Variants in TBC1D5 observed in about 807,000 individuals in gnomAD.
TBC1D5 encodes the protein TBC1 domain family, member 5.
A neutral mutation model predicts 100.3 loss-of-function variants in TBC1D5; 75 were observed. That is an observed-to-expected ratio of 0.75 (90% CI 0.62 to 0.91). The LOEUF is 0.91. TBC1D5 is among the 40% of genes least tolerant of loss of function. The probability of loss-of-function intolerance (pLI) is 0.00; values close to 1 mark genes in which losing one functional copy is unlikely to be tolerated. For synonymous variants in TBC1D5, 323 were observed against 325.6 expected (o/e 0.99, Z 0.09); for missense variants, 910 against 942.4 (o/e 0.97, Z 0.45).
chr3:17,325,740 A>G (rs529594284), intron 13 of TBC1D5, among the ~76,000 whole-genome samples: 12 of 152,338 alleles, frequency 7.9e-5, no homozygotes, highest in African/African-American at 2.9e-4. Flanking sequence ...GAACAGATCA[A>G]TGATTACCAG....
intron 18 of TBC1D5, among the ~76,000 whole-genome samples, chr3:17,200,257 T>C (rs1031034536): frequency 6.6e-6 from 1 of 152,198 alleles, no homozygotes; most frequent in African/African-American, 2.4e-5. Context: ...GATAGAACTG[T>C]ACATAAACAC....
At chr3:17,642,501 A>C (rs1316196745) in intron 1 of TBC1D5, among the ~76,000 whole-genome samples, 1 of 152,134 alleles carries the variant, frequency 6.6e-6, no homozygotes, top group Non-Finnish European at 1.5e-5. Context: ...GATACCTACT[A>C]TTCACTCACT....
chr3:17,616,194 G>A (rs376831594), intron 2 of TBC1D5, among the ~76,000 whole-genome samples: 9 of 152,140 alleles, frequency 5.9e-5, no homozygotes, highest in Non-Finnish European at 8.8e-5. Context: ...GTAGTTGTGC[G>A]GTTTTGAGTG....
In TBC1D5 at chr3:17,593,505, T is replaced by C. The variant is rs566940660; in HGVS notation, c.-36+30344A>G. Among the ~76,000 whole-genome samples, 14 of 152,338 alleles carry C rather than the reference T, an allele frequency of 9.2e-5. 1 individual carries two copies. In the South Asian group the frequency reaches 1.9e-3, roughly 20 times the overall value. On this transcript the variant is annotated intron_variant, in intron 2 of 21. Transcript: ENST00000253692. ...CAGCTACCTGGTGACAGGTTGATTA[T>C]ACTGGACCTGTTCCACGATGGAAAG...
Position 17,725,762 on chromosome 3 carries a change from C to A in TBC1D5, c.-101+13581G>T, listed in dbSNP as rs181977606. On this transcript the variant is annotated intron_variant, in intron 1 of 21. Transcript: ENST00000253692. ...GGTACATGTGCATGTTTGTCATATA[C>A]GTAAACTGCATGTCACAGGGGTTTG... 2.8e-3 allele frequency among the ~76,000 whole-genome samples: 425 copies of A among 152,204 alleles called. 1 individual carries two copies. Among genetic ancestry groups the A allele is most frequent in the African/African-American group, 9.3e-3 (386 of 41,534 alleles).
chr3:17,305,332 A>AT (rs1404989991), intron 14 of TBC1D5, among the ~76,000 whole-genome samples: 1 of 152,220 alleles, frequency 6.6e-6, no homozygotes, highest in East Asian at 1.9e-4. Flanking sequence ...TTCTCTTTCC[A>AT]TATGTACCCA....
At chr3:17,555,081 C>A (rs1209049222) in intron 2 of TBC1D5, among the ~76,000 whole-genome samples, 1 of 151,942 alleles carries the variant, frequency 6.6e-6, no homozygotes, top group African/African-American at 2.4e-5. Context: ...GATCTCCTGA[C>A]CTTGTGATCC....
intron 2 of TBC1D5, among the ~76,000 whole-genome samples, chr3:17,513,949 A>T (rs1343077068): frequency 1.3e-5 from 2 of 152,220 alleles, no homozygotes; most frequent in Non-Finnish European, 2.9e-5. Context: ...TTTATTTAGA[A>T]ATGTTGGTAG....
At chr3:17,448,817 T>C (rs557486490) in intron 3 of TBC1D5, among the ~76,000 whole-genome samples, 1 of 152,326 alleles carries the variant, frequency 6.6e-6, no homozygotes, top group Admixed American at 6.5e-5. Context: ...ATCCTCAAAA[T>C]TGTTAATGAA....
chr3:17,718,178 T>C (rs1396271314), intron 1 of TBC1D5, among the ~76,000 whole-genome samples: 1 of 152,190 alleles, frequency 6.6e-6, no homozygotes, highest in Non-Finnish European at 1.5e-5. Context: ...TCCTTTTCTT[T>C]CTCTTCCCAC....
At position 17,622,017 on chromosome 3, in the gene TBC1D5, C is replaced by T. The variant is rs575256176; in HGVS notation, c.-36+1832G>A. The stretch of plus-strand genomic sequence containing the variant: ...AAATCTGATTGGGATAAGTTCTATG[C>T]TCACTTTCTAATTAAGCAGTCACCA... On this transcript the variant is annotated intron_variant, in intron 2 of 21. Transcript: ENST00000253692. 1.4e-3 allele frequency among the ~76,000 whole-genome samples: 219 copies of T among 152,284 alleles called. 3 individuals are homozygous for T. In the South Asian group the frequency reaches 0.021, roughly 15 times the overall value.
chr3:17,323,481 A>G (rs1236586260), intron 13 of TBC1D5, among the ~76,000 whole-genome samples: 2 of 151,862 alleles, frequency 1.3e-5, no homozygotes, highest in Non-Finnish European at 2.9e-5. Context: ...CTGTACAAAA[A>G]CAAAACACTA....
At chr3:17,629,970 T>A (rs895763619) in intron 1 of TBC1D5, among the ~76,000 whole-genome samples, 1 of 152,088 alleles carries the variant, frequency 6.6e-6, no homozygotes. Context: ...ACATGAGGGC[T>A]AAAAATAAGG....
chr3:17,396,490 G>C (rs1435510732), intron 8 of TBC1D5, among the ~76,000 whole-genome samples: 3 of 151,666 alleles, frequency 2.0e-5, no homozygotes, highest in Non-Finnish European at 2.9e-5. Context: ...CCGACATTTA[G>C]GACATCTTAA....
At chr3:17,180,549 G>T (rs896793113) in intron 19 of TBC1D5, among the ~76,000 whole-genome samples, 1 of 152,120 alleles carries the variant, frequency 6.6e-6, no homozygotes, top group East Asian at 1.9e-4. Context: ...TGGATGACTG[G>T]ATAAAGAAAA....
intron 19 of TBC1D5, among the ~76,000 whole-genome samples, chr3:17,178,549 C>G (rs1344925050): frequency 6.6e-6 from 1 of 152,160 alleles, no homozygotes; most frequent in Non-Finnish European, 1.5e-5. Context: ...ATTGCAGGAT[C>G]ATATTTTTAG....
At chr3:17,488,109 A>G (rs1252133319) in intron 3 of TBC1D5, among the ~76,000 whole-genome samples, 1 of 152,190 alleles carries the variant, frequency 6.6e-6, no homozygotes, top group Non-Finnish European at 1.5e-5. Flanking sequence ...ACTGCCCTAA[A>G]GATCTTCTGT....
At chr3:17,213,609 T>G (rs1490720786) in intron 18 of TBC1D5, among the ~76,000 whole-genome samples, 1 of 151,584 alleles carries the variant, frequency 6.6e-6, no homozygotes, top group Non-Finnish European at 1.5e-5. Flanking sequence ...CTAATAAAAA[T>G]TCACAAATTA....
intron 14 of TBC1D5, among the ~76,000 whole-genome samples, chr3:17,296,294 A>C (rs1349259393): frequency 6.6e-6 from 1 of 152,264 alleles, no homozygotes; most frequent in African/African-American, 2.4e-5. Flanking sequence ...ACTGAAAACA[A>C]AGCCAATGTG....
Sources: gnomAD v4.1 joint callset for allele counts (sites outside exome capture counted in the v4.1 genomes callset) on GRCh38, gnomAD v4.1.1 for gene constraint, MANE v1.5 for transcripts, NCBI Gene and HGNC (gene_info 2026-07-23, HGNC 2026-07-21) for gene names.